Variants in DERL2 observed in about 807,000 individuals in gnomAD.
DERL2 encodes the protein derlin 2.
A neutral mutation model predicts 32.0 loss-of-function variants in DERL2; 13 were observed. The ratio of observed to expected loss-of-function variants is 0.41; its 90% confidence interval spans 0.26 to 0.65. The LOEUF is 0.65. Among genes scored for constraint, DERL2 ranks in the 30% least tolerant of loss-of-function variants. The pLI, the probability that DERL2 is intolerant of heterozygous loss-of-function variation, is 0.35. For synonymous variants in DERL2, 111 were observed against 104.7 expected (o/e 1.06, Z -0.37); for missense variants, 208 against 296.3 (o/e 0.70, Z 2.19).
Position 5,472,770 on chromosome 17 carries a change from CA to C in DERL2, c.*1913del, listed in dbSNP as rs1190500093. On this transcript the variant is annotated 3_prime_UTR_variant, in exon 7 of 7. Coordinates refer to ENST00000158771, the MANE Select transcript of DERL2 (RefSeq NM_016041.5). ...GAGAAACTCATTTCTAGCCCAAAAA[CA>C]ATTTAAAAAAAAAAAACAAAAAACA... The C allele has an allele frequency of 6.7e-6, 1 of 148,520 alleles. No homozygotes were observed. The highest frequency in any genetic ancestry group is 1.5e-5 in the Non-Finnish European group (1 of 67,170). 9.2% of individuals were successfully genotyped at this position (148,520 alleles called of 1,614,324 possible).
In DERL2 at chr17:5,482,856, TAAG is replaced by T; in HGVS notation, c.183_185del (p.Phe61del). The T allele has an allele frequency of 6.6e-7, 1 of 1,516,960 alleles. No individual in the cohort carries two copies. The highest frequency in any genetic ancestry group is 9.0e-7 in the Non-Finnish European group (1 of 1,109,878). The allele number at this position is 1,516,960 out of a possible 1,614,324, so 94.0% of individuals were successfully genotyped here. On this transcript the variant is annotated inframe_deletion, in exon 3 of 7. Transcript: ENST00000158771. Reference sequence around the variant, plus strand: ...AATTGAATCCAACTGGCCCAAAAAATAAGAAGTTGGTGATTAATCTCCATATCT... The same window carrying T: ...AATTGAATCCAACTGGCCCAAAAAATAAGTTGGTGATTAATCTCCATATCT...
upstream of DERL2, chr17:5,486,229 G>A (rs1906286959): frequency 7.3e-7 from 1 of 1,374,318 alleles, no homozygotes; most frequent in Non-Finnish European, 9.7e-7. Flanking sequence ...GGCCCCGGCG[G>A]CGGGGCGGGC....
intron 6 of DERL2, among the ~76,000 whole-genome samples, chr17:5,477,107 C>T (rs1171218801): frequency 2.0e-5 from 3 of 152,014 alleles, no homozygotes; most frequent in Non-Finnish European, 2.9e-5. Flanking sequence ...CAGGTTAGGA[C>T]AGATGGAAAG....
chr17:5,479,026 C>T (rs1022834065), intron 6 of DERL2, among the ~76,000 whole-genome samples: 1 of 152,074 alleles, frequency 6.6e-6, no homozygotes, highest in East Asian at 1.9e-4. Flanking sequence ...TGCCATGTTG[C>T]CCAGGCTGGT....
At chr17:5,479,959 T>C (rs1241201847) in intron 6 of DERL2, 95 bp downstream of exon 6, 3 of 738,152 alleles carry the variant, frequency 4.1e-6, no homozygotes, top group Non-Finnish European at 2.3e-6. Flanking sequence ...ACCTGAGCTA[T>C]GTGTACTAGG....
rs1294490407 is a variant in DERL2 at position 5,486,131 on chromosome 17, G to A, written c.31C>T (p.Leu11=). The A allele has an allele frequency of 6.2e-7, 1 of 1,610,340 alleles. No homozygotes were observed. Among genetic ancestry groups the A allele is most frequent in the East Asian group, 2.2e-5 (1 of 44,638 alleles). The part of the protein sequence containing the change: MAYQSLRLEY[L]QIPPVSRAYT... ...GCGCGGCTGACCGGTGGGATCTGCAGGTACTCCAGCCGCAAGCTCTGGTAC... is the reference window on the plus strand; with the variant it reads ...GCGCGGCTGACCGGTGGGATCTGCAAGTACTCCAGCCGCAAGCTCTGGTAC... The change falls in exon 1 of 7, where the codon CTG becomes TTG. Residue 11 remains leucine (L), a synonymous_variant. Transcript: ENST00000158771.
chr17:5,478,774 C>A (rs1567611098), intron 6 of DERL2, among the ~76,000 whole-genome samples: 1 of 152,200 alleles, frequency 6.6e-6, no homozygotes, highest in East Asian at 1.9e-4. Flanking sequence ...AATTTTATAA[C>A]ACTTCAGGGT....
intron 6 of DERL2, among the ~76,000 whole-genome samples, chr17:5,478,834 T>G (rs1252622410): frequency 1.3e-5 from 2 of 152,226 alleles, no homozygotes; most frequent in Non-Finnish European, 2.9e-5. Context: ...AAAAATTGTT[T>G]TTTGAGACAG....
rs1187314198 is a variant in DERL2 at position 5,474,216 on chromosome 17, TTC to T, written c.*466_*467del. The T allele has an allele frequency of 6.6e-6, 1 of 152,344 alleles. No homozygotes were observed. The highest frequency in any genetic ancestry group is 2.4e-5 in the African/African-American group (1 of 41,432). The allele number at this position is 152,344 out of a possible 1,614,324, so 9.4% of individuals were successfully genotyped here. ...ACAGGAAGAACAGCTGTGTAAACTG[TTC>T]TGAGCTCAGATCTACGCAGGAGGGC... On this transcript the variant is annotated 3_prime_UTR_variant, in exon 7 of 7. Coordinates refer to ENST00000158771, the MANE Select transcript of DERL2 (RefSeq NM_016041.5). This position sits in a 1 kb window ranked among gnomAD's most constrained non-coding sequence, Gnocchi z 4.3.
chr17:5,479,434 A>G (rs1204702313), intron 6 of DERL2, among the ~76,000 whole-genome samples: 1 of 150,352 alleles, frequency 6.7e-6, no homozygotes, highest in Non-Finnish European at 1.5e-5. Context: ...CAGAGTAGAA[A>G]GAGGTCTCAT....
In DERL2 at chr17:5,480,324, A is replaced by G. The variant is rs946202182; in HGVS notation, c.523+63T>C. On this transcript the variant is annotated intron_variant, in intron 5 of 6. Coordinates refer to ENST00000158771, the MANE Select transcript of DERL2 (RefSeq NM_016041.5). ...GTGAAGGCCAAACAGAATAAACATG[A>G]AAAATAGTAACAAAATACTTTTACA... 3.3e-6 allele frequency: 5 copies of G among 1,514,064 alleles called. No individual in the cohort carries two copies. In the African/African-American group the frequency reaches 7.1e-5, roughly 21 times the overall value. The allele number at this position is 1,514,064 out of a possible 1,614,324, so 93.8% of individuals were successfully genotyped here.
At chr17:5,479,381 T>C (rs1009734819) in intron 6 of DERL2, among the ~76,000 whole-genome samples, 1 of 151,736 alleles carries the variant, frequency 6.6e-6, no homozygotes, top group African/African-American at 2.4e-5. Flanking sequence ...TACTTCTCAA[T>C]TGAGCCCTTT....
chr17:5,485,140 G>A lies in DERL2; in HGVS notation c.159+11C>T. ...CTGAAGCATTAATCACTATTGTGAT[G>A]AACCACTTACTTGAAAGTGTTTAAA... On this transcript the variant is annotated intron_variant, in intron 2 of 6. Transcript: ENST00000158771. 1.3e-6 allele frequency: 2 copies of A among 1,551,784 alleles called. No homozygotes were observed. Among genetic ancestry groups the A allele is most frequent in the Non-Finnish European group, 1.8e-6 (2 of 1,139,522 alleles).
At chr17:5,480,883 C>T (rs573707119) in intron 4 of DERL2, 11 of 462,186 alleles carry the variant, frequency 2.4e-5, no homozygotes, top group South Asian at 1.1e-4. Flanking sequence ...AGCTTGCTCA[C>T]GATTAGCACC....
rs1278516728 is a variant in DERL2 at position 5,481,255 on chromosome 17, G to A, written c.327+41C>T. ...ATGACAAGCTTTAGGAAGAGCCAGG[G>A]TGTTCTTCAACATTTTCCCGTGTTG... On this transcript the variant is annotated intron_variant, in intron 4 of 6. Transcript: ENST00000158771. The surrounding 1 kb of genome is among the most constrained non-coding windows in gnomAD (Gnocchi z 4.4). The A allele has an allele frequency of 1.3e-5, 18 of 1,390,704 alleles. No homozygotes were observed. In the Admixed American group the frequency reaches 3.0e-4, roughly 23 times the overall value. The allele number at this position is 1,390,704 out of a possible 1,614,324, so 86.1% of individuals were successfully genotyped here.
rs1418417979 is a variant in DERL2, at chr17:5,473,662, A to AT, written c.*1021_*1022insA. On this transcript the variant is annotated 3_prime_UTR_variant, in exon 7 of 7. Transcript: ENST00000158771. ...AAACAAAACAAAAAAGGCAAAAAAAAAAAAAATGGCTGGGCATGGTGGCTC... is the reference window on the plus strand; with the variant it reads ...AAACAAAACAAAAAAGGCAAAAAAAATAAAAAATGGCTGGGCATGGTGGCTC... The AT allele has an allele frequency of 1.3e-5, 2 of 151,106 alleles. No homozygotes were observed. Among genetic ancestry groups the AT allele is most frequent in the African/African-American group, 4.9e-5 (2 of 41,100 alleles). 9.4% of individuals were successfully genotyped at this position (151,106 alleles called of 1,614,324 possible).
chr17:5,474,785 C>T lies in DERL2; in HGVS notation c.619G>A (p.Ala207Thr), dbSNP rs748768739. ...RILKTPSILKAIFDTPDEDPN... is the reference protein window; with the variant it reads ...RILKTPSILKTIFDTPDEDPN... Reference sequence around the variant, plus strand: ...TCCTCATCTGGTGTATCAAAAATAGCTTTCCTAAAAGACAAGCAACAGATA... The same window carrying T: ...TCCTCATCTGGTGTATCAAAAATAGTTTTCCTAAAAGACAAGCAACAGATA... The change falls in exon 7 of 7, where the codon GCT becomes ACT. Residue 207 changes from alanine (A) to threonine (T), a missense_variant. This residue lies in a region of DERL2 where 124 missense variants were observed against 215.3 expected (regional missense o/e 0.58). Coordinates refer to ENST00000158771, the MANE Select transcript of DERL2 (RefSeq NM_016041.5). The surrounding 1 kb of genome is among the most constrained non-coding windows in gnomAD (Gnocchi z 4.3). The T allele has an allele frequency of 3.7e-6, 6 of 1,612,744 alleles. No homozygotes were observed. The highest frequency in any genetic ancestry group is 1.1e-5 in the South Asian group (1 of 90,974).
At position 5,474,879 on chromosome 17, in the gene DERL2, A is replaced by G; in HGVS notation, c.615-90T>C. 1.2e-6 allele frequency: 1 copy of G among 823,098 alleles called. No individual in the cohort carries two copies. The highest frequency in any genetic ancestry group is 1.9e-6 in the Non-Finnish European group (1 of 525,854). The allele number at this position is 823,098 out of a possible 1,614,324, so 51.0% of individuals were successfully genotyped here. A position where few individuals can be genotyped will look rare whatever the true frequency, so the allele number is the denominator to read the frequency against. Reference sequence around the variant, plus strand: ...TCAGTTCAGGCCCCATAGGGTTTCCACCAATAGGTAAGCATTACACCTGCC... The same window carrying G: ...TCAGTTCAGGCCCCATAGGGTTTCCGCCAATAGGTAAGCATTACACCTGCC... On this transcript the variant is annotated intron_variant, in intron 6 of 6. Transcript: ENST00000158771. The surrounding 1 kb of genome is among the most constrained non-coding windows in gnomAD (Gnocchi z 4.3).
intron 2 of DERL2, among the ~76,000 whole-genome samples, chr17:5,483,140 T>C (rs576790092): frequency 2.0e-5 from 3 of 152,244 alleles, no homozygotes; most frequent in Non-Finnish European, 4.4e-5. Flanking sequence ...TAAATTGTGA[T>C]CGTCGTATGG....
Sources: allele counts gnomAD v4.1 joint callset (sites outside exome capture counted in the v4.1 genomes callset), GRCh38; gene constraint gnomAD v4.1.1; regional missense constraint gnomAD v4.1.1; non-coding constraint Gnocchi (gnomAD v3.1); transcripts MANE v1.5; gene names NCBI Gene and HGNC (gene_info 2026-07-23, HGNC 2026-07-21).